DNAH5: variants seen among roughly 807,000 people sequenced by gnomAD.
DNAH5 encodes axonemal beta dynein heavy chain 5.
Under a neutral mutation model 518.2 loss-of-function variants are expected in DNAH5, and 372 were observed. The observed-to-expected ratio is 0.72, with a 90% CI of 0.66 to 0.78. The LOEUF (loss-of-function observed/expected upper bound fraction) is 0.78. DNAH5 is among the 30% of genes least tolerant of loss of function. The probability of loss-of-function intolerance (pLI) is 0.00; values close to 1 mark genes in which losing one functional copy is unlikely to be tolerated. For missense variants in DNAH5, 5,523 were observed against 5,687.0 expected (o/e 0.97, Z 0.93); for synonymous variants, 2,039 against 2,025.9 (o/e 1.01, Z -0.17).
At chr5:13,727,459 C>A (rs532140125) in intron 70 of DNAH5, 48 bp downstream of exon 70, 11 of 1,522,954 alleles carry the variant, frequency 7.2e-6, no homozygotes, top group Admixed American at 5.6e-5. Context: ...AAAGAAAATT[C>A]TCTTTAAAAA....
At chr5:13,802,773 A>G (rs1330498141) in intron 47 of DNAH5, among the ~76,000 whole-genome samples, 1 of 152,190 alleles carries the variant, frequency 6.6e-6, no homozygotes, top group Admixed American at 6.5e-5. Context: ...GGTCTTACAT[A>G]ACAGCTCTGA....
At chr5:13,810,791 C>T (rs896588356) in intron 44 of DNAH5, among the ~76,000 whole-genome samples, 5 of 151,356 alleles carry the variant, frequency 3.3e-5, no homozygotes, top group South Asian at 2.1e-4. Context: ...CAGGGTTTAT[C>T]GCAGCACTGT....
At chr5:13,886,214 T>C (rs1419108125) in intron 17 of DNAH5, 85 bp from the exon 18 acceptor site, 3 of 1,381,034 alleles carry the variant, frequency 2.2e-6, no homozygotes, top group East Asian at 5.0e-5. Flanking sequence ...GTGGTAGCAA[T>C]GCTGTGGCTC....
rs758769765 is a variant in DNAH5, at chr5:13,786,130, C to CCAA, written c.8820+46_8820+48dup. The stretch of plus-strand genomic sequence containing the variant: ...AGAGGGAGAGGACCATGGTGTGAAG[C>CCAA]CAAATGTCTGTCACCTCCACAAGGC... On this transcript the variant is annotated intron_variant, in intron 52 of 78. Transcript: ENST00000265104. 3 of 1,593,746 alleles carry CCAA rather than the reference C, an allele frequency of 1.9e-6. No homozygotes were observed. In the African/African-American group the frequency reaches 4.0e-5, roughly 21 times the overall value.
At chr5:13,715,789 T>A (rs185463210) in intron 74 of DNAH5, among the ~76,000 whole-genome samples, 7 of 152,356 alleles carry the variant, frequency 4.6e-5, no homozygotes, top group Admixed American at 2.6e-4. Context: ...TCAGTGCTTC[T>A]CAACAAGCGA....
intron 37 of DNAH5, 136 bp downstream of exon 37, chr5:13,829,890 C>T: frequency 2.0e-6 from 2 of 1,012,564 alleles, no homozygotes; most frequent in Non-Finnish European, 3.0e-6. Context: ...TTGCTTAACA[C>T]CAAAAGGTTT....
intron 35 of DNAH5, among the ~76,000 whole-genome samples, chr5:13,832,757 GTCAT>G (rs1763838944): frequency 6.6e-6 from 1 of 152,180 alleles, no homozygotes; most frequent in African/African-American, 2.4e-5. Flanking sequence ...CGCTGATCCA[GTCAT>G]TCATTCTTAT....
At chr5:13,743,850 C>T (rs1561157708) in intron 65 of DNAH5, among the ~76,000 whole-genome samples, 1 of 152,080 alleles carries the variant, frequency 6.6e-6, no homozygotes, top group Non-Finnish European at 1.5e-5. Context: ...CTGTTAAACA[C>T]TGTGTGTGGG....
intron 42 of DNAH5, among the ~76,000 whole-genome samples, chr5:13,815,821 G>A (rs1761377700): frequency 6.6e-6 from 1 of 152,164 alleles, no homozygotes; most frequent in Non-Finnish European, 1.5e-5. Context: ...TCAGGAGAGA[G>A]GTCAGGGCTG....
intron 56 of DNAH5, among the ~76,000 whole-genome samples, chr5:13,770,057 CT>C (rs1159967994): frequency 6.6e-6 from 1 of 152,148 alleles, no homozygotes; most frequent in Non-Finnish European, 1.5e-5. Context: ...ATCAGAACAG[CT>C]GTAGGAAGGA....
At chr5:13,867,661 G>T in intron 25 of DNAH5, 113 bp downstream of exon 25, 1 of 882,072 alleles carries the variant, frequency 1.1e-6, no homozygotes. Context: ...CCCATTCCCT[G>T]GGAATTCCTA....
In DNAH5 at chr5:13,844,997, C is replaced by A. The variant is rs141141086; in HGVS notation, c.5115-4G>T. On this transcript the variant is annotated splice_polypyrimidine_tract_variant and splice_region_variant and intron_variant, in intron 31 of 78. Transcript: ENST00000265104. Reference sequence around the variant, plus strand: ...CAGTCGTTTTTTCTCCAAGTACCTACAAGGAGAGGAAAAACATAAACCTTT... The same window carrying A: ...CAGTCGTTTTTTCTCCAAGTACCTAAAAGGAGAGGAAAAACATAAACCTTT... 1,493 of 1,595,694 alleles carry A rather than the reference C, an allele frequency of 9.4e-4. 8 individuals are homozygous for A. In the African/African-American group the frequency reaches 0.018, roughly 19 times the overall value.
At chr5:13,717,000 A>T (rs1744379113) in intron 73 of DNAH5, among the ~76,000 whole-genome samples, 1 of 152,136 alleles carries the variant, frequency 6.6e-6, no homozygotes. Context: ...CTTCCAACTG[A>T]TCTGGACTCC....
chr5:13,915,376 T>A (rs1430413064), intron 9 of DNAH5, among the ~76,000 whole-genome samples: 1 of 152,102 alleles, frequency 6.6e-6, no homozygotes, highest in Non-Finnish European at 1.5e-5. Context: ...AATGAAAGGT[T>A]TTTTACAATT....
At chr5:13,939,367 C>T (rs1450848815) in intron 1 of DNAH5, among the ~76,000 whole-genome samples, 1 of 152,168 alleles carries the variant, frequency 6.6e-6, no homozygotes, top group African/African-American at 2.4e-5. Flanking sequence ...CAGAATTCTA[C>T]CCTGGGTAGG....
rs917298115 is a variant in DNAH5 at position 13,923,454 on chromosome 5, A to G, written c.278-14T>C. On this transcript the variant is annotated splice_polypyrimidine_tract_variant and intron_variant, in intron 3 of 78. Transcript: ENST00000265104. ...AGCCAAGTTGTCCTACAAAAGCAAA[A>G]TAATTTTAGTTTCACAAATGCTTTT... 6.2e-7 allele frequency: 1 copy of G among 1,613,942 alleles called. No individual in the cohort carries two copies. The highest frequency in any genetic ancestry group is 1.1e-5 in the South Asian group (1 of 91,072).
chr5:13,778,580 A>AAAAG (rs1554044647), intron 53 of DNAH5, among the ~76,000 whole-genome samples: 1 of 74,900 alleles, frequency 1.3e-5, no homozygotes, highest in African/African-American at 5.2e-5. Flanking sequence ...GAAAGAAAGA[A>AAAAG]AGAAAGAAAG....
chr5:14,011,714 G>A (rs1258947046), exon 1 of DNAH5, among the ~76,000 whole-genome samples: 2 of 152,148 alleles, frequency 1.3e-5, no homozygotes, highest in African/African-American at 4.8e-5. Context: ...GGTGCAGGGA[G>A]GACCCCGCCG....
At chr5:13,713,773 C>T (rs2126489396) in intron 75 of DNAH5, among the ~76,000 whole-genome samples, 1 of 151,894 alleles carries the variant, frequency 6.6e-6, no homozygotes, top group Non-Finnish European at 1.5e-5. Context: ...ACCAATATCT[C>T]ACAAATCACC....
Sources: gnomAD v4.1 joint callset for allele counts (sites outside exome capture counted in the v4.1 genomes callset) on GRCh38, gnomAD v4.1.1 for gene constraint, MANE v1.5 for transcripts, NCBI Gene and HGNC (gene_info 2026-07-23, HGNC 2026-07-21) for gene names.